AGMO: variants seen among roughly 807,000 people sequenced by gnomAD.
The protein encoded by AGMO is glyceryl-ether monooxygenase.
Under a neutral mutation model 60.2 loss-of-function variants are expected in AGMO, and 75 were observed. The ratio of observed to expected loss-of-function variants is 1.25; its 90% CI spans 1.03 to 1.51. The LOEUF (loss-of-function observed/expected upper bound fraction) is 1.51, where lower values mean the gene tolerates loss of function less well. AGMO is among the 40% of genes most tolerant of loss of function. The probability of loss-of-function intolerance (pLI) is 0.00; values close to 1 mark genes in which losing one functional copy is unlikely to be tolerated. For synonymous variants in AGMO, 261 were observed against 177.1 expected (o/e 1.47, Z -3.76); for missense variants, 763 against 525.5 (o/e 1.45, Z -4.42).
intron 6 of AGMO, among the ~76,000 whole-genome samples, chr7:15,393,210 C>A (rs1276650445): frequency 6.6e-6 from 1 of 152,238 alleles, no homozygotes; most frequent in African/African-American, 2.4e-5. Context: ...TGGGGAGTCC[C>A]CTTCTACTCG....
At position 15,387,471 on chromosome 7, in the gene AGMO, T is replaced by C; in HGVS notation, c.892A>G (p.Ile298Val). The C allele has an allele frequency of 6.2e-7, 1 of 1,614,014 alleles. No individual in the cohort carries two copies. Residue 298 changes from isoleucine (I) to valine (V), a missense_variant, in exon 9 of 13, where the codon ATA (isoleucine) becomes GTA (valine). Ile to Val is a conservative substitution (Grantham distance 29). Transcript: ENST00000342526. ...TPGFFNKFSV[I>V]FKGPGWGPGK... ...GGACCCCATCCCGGTCCCTTAAATA[T>C]GACAGAAAACTTATTGAAGAATCCA...
chr7:15,355,504 C>CAAAAAAAAA (rs56695710), intron 12 of AGMO, among the ~76,000 whole-genome samples: 2 of 81,728 alleles, frequency 2.4e-5, no homozygotes, highest in Non-Finnish European at 4.5e-5. Flanking sequence ...GACTCTGTCT[C>CAAAAAAAAA]AAAAAAAAAA....
the AGMO span, among the ~76,000 whole-genome samples, chr7:15,159,235 G>T: frequency 6.6e-6 from 1 of 152,140 alleles, no homozygotes; most frequent in Admixed American, 6.6e-5. Context: ...AGTTATTCAA[G>T]GGGATAGGGA....
intron 10 of AGMO, among the ~76,000 whole-genome samples, chr7:15,368,540 G>C (rs769893438): frequency 1.8e-4 from 27 of 152,100 alleles, no homozygotes; most frequent in Non-Finnish European, 2.6e-4. Flanking sequence ...TAAAGCCTCA[G>C]CTATGCGTTT....
chr7:15,395,923 T>A (rs1435512439), intron 5 of AGMO: 1 of 152,178 alleles, frequency 6.6e-6, no homozygotes, highest in Non-Finnish European at 1.5e-5. Flanking sequence ...CCTCAGCTTG[T>A]GGCATCACAT....
At chr7:15,559,982 T>C (rs1785258723) in intron 2 of AGMO, among the ~76,000 whole-genome samples, 159 bp downstream of exon 2, 1 of 152,100 alleles carries the variant, frequency 6.6e-6, no homozygotes. Context: ...AAAAAATCAA[T>C]GAAGAACAAA....
chr7:15,528,192 C>A (rs1243248973), intron 3 of AGMO, among the ~76,000 whole-genome samples: 1 of 151,952 alleles, frequency 6.6e-6, no homozygotes, highest in Non-Finnish European at 1.5e-5. Flanking sequence ...TGATCATTAG[C>A]ATCTTTAGCA....
At chr7:15,125,968 T>C in the AGMO span, among the ~76,000 whole-genome samples, 4 of 152,260 alleles carry the variant, frequency 2.6e-5, no homozygotes, top group South Asian at 8.3e-4. Flanking sequence ...ACTTAACAGG[T>C]ACTTAATAGT....
the AGMO span, among the ~76,000 whole-genome samples, chr7:15,171,508 A>G: frequency 6.6e-6 from 1 of 152,178 alleles, no homozygotes; most frequent in African/African-American, 2.4e-5. Context: ...GTGAGGAGTT[A>G]AGCTTTATCT....
At chr7:15,180,170 GTTCT>G in the AGMO span, among the ~76,000 whole-genome samples, 1 of 152,116 alleles carries the variant, frequency 6.6e-6, no homozygotes, top group Admixed American at 6.5e-5. Context: ...CACCTTTGGC[GTTCT>G]TTCTTGAATG....
intron 10 of AGMO, among the ~76,000 whole-genome samples, chr7:15,366,985 G>A (rs929619095): frequency 2.0e-5 from 3 of 152,024 alleles, no homozygotes; most frequent in Non-Finnish European, 4.4e-5. Context: ...TAGAGGAAAA[G>A]CAGATACTAG....
intron 12 of AGMO, among the ~76,000 whole-genome samples, chr7:15,256,976 G>A (rs1056400552): frequency 1.3e-5 from 2 of 152,144 alleles, no homozygotes; most frequent in Non-Finnish European, 2.9e-5. Context: ...CTTCTTGTAA[G>A]CCTCTAAACA....
chr7:15,143,293 T>C, the AGMO span, among the ~76,000 whole-genome samples: 1 of 152,168 alleles, frequency 6.6e-6, no homozygotes, highest in East Asian at 1.9e-4. Flanking sequence ...CTCCACAGAA[T>C]CCCCTGACGT....
At chr7:15,433,817 T>C (rs1781324140) in intron 3 of AGMO, among the ~76,000 whole-genome samples, 2 of 151,874 alleles carry the variant, frequency 1.3e-5, no homozygotes, top group South Asian at 4.1e-4. Context: ...TAATTAGAAA[T>C]GATTATGCTG....
At chr7:15,136,454 A>C in the AGMO span, among the ~76,000 whole-genome samples, 2 of 152,034 alleles carry the variant, frequency 1.3e-5, no homozygotes, top group South Asian at 4.1e-4. Flanking sequence ...TCTGCAGTTG[A>C]GTCATCATTG....
intron 3 of AGMO, among the ~76,000 whole-genome samples, chr7:15,443,111 C>A (rs141874690): frequency 6.6e-6 from 1 of 152,222 alleles, no homozygotes. Flanking sequence ...TCCAAGTCCA[C>A]GTGTGTTCCA....
intron 12 of AGMO, among the ~76,000 whole-genome samples, chr7:15,268,522 A>G (rs973085651): frequency 6.6e-6 from 1 of 152,008 alleles, no homozygotes; most frequent in African/African-American, 2.4e-5. Context: ...TTTAGTTGTG[A>G]AGGAGTCTGG....
chr7:15,327,346 T>C (rs189638621), intron 12 of AGMO, among the ~76,000 whole-genome samples: 1 of 152,296 alleles, frequency 6.6e-6, no homozygotes, highest in African/African-American at 2.4e-5. Context: ...CCAAACATCT[T>C]GGGATATGGC....
At chr7:15,121,896 A>C in the AGMO span, among the ~76,000 whole-genome samples, 6,072 of 152,226 alleles carry the variant, frequency 0.04, 135 homozygotes, top group Non-Finnish European at 0.054. Context: ...ACATTAAACA[A>C]AAATTAACTC....
Sources: gnomAD v4.1 joint callset for allele counts (sites outside exome capture counted in the v4.1 genomes callset) on GRCh38, gnomAD v4.1.1 for gene constraint, MANE v1.5 for transcripts, NCBI Gene and HGNC (gene_info 2026-07-23, HGNC 2026-07-21) for gene names.